The following LOXHD1 variants were observed in gnomAD, a reference collection of about 807,000 sequenced individuals.
LOXHD1 encodes lipoxygenase homology PLAT domains 1, also known as lipoxygenase homology domain-containing protein 1.
Under a neutral mutation model 248.2 loss-of-function variants are expected in LOXHD1, and 205 were observed. The ratio of observed to expected loss-of-function variants is 0.83; its 90% CI spans 0.74 to 0.93. The LOEUF is 0.93. Ranked by LOEUF, LOXHD1 falls within the 40% of genes least tolerant of loss-of-function variation. LOXHD1 has a pLI of 0.00. For synonymous variants in LOXHD1, 1,113 were observed against 1,162.8 expected, an observed-to-expected ratio of 0.96 and a Z score of 0.87; for missense variants, 2,930 against 2,971.6, an observed-to-expected ratio of 0.99 and a Z score of 0.33.
At chr18:46,518,878 C>G in intron 33 of LOXHD1, 6 of 985,684 alleles carry the variant, frequency 6.1e-6, no homozygotes, top group Non-Finnish European at 7.2e-6. Flanking sequence ...GTGATTCTTA[C>G]AGAGGGAGCA....
chr18:46,618,113 C>T (rs1053654778), intron 5 of LOXHD1, 79 bp downstream of exon 5: 3 of 1,077,560 alleles, frequency 2.8e-6, no homozygotes, highest in Admixed American at 2.2e-5. Context: ...AGCTGCCTTC[C>T]TCTGCCAGGA....
At chr18:46,545,850 C>T (rs1040742018) in intron 22 of LOXHD1, among the ~76,000 whole-genome samples, 12 of 151,456 alleles carry the variant, frequency 7.9e-5, no homozygotes, top group East Asian at 1.9e-4. Flanking sequence ...GGGATGGTCT[C>T]GATCTCCTGA....
intron 28 of LOXHD1, 104 bp from the exon 29 acceptor site, chr18:46,529,435 T>C (rs963589706): frequency 5.9e-6 from 8 of 1,362,894 alleles, no homozygotes; most frequent in African/African-American, 2.9e-5. Context: ...GCTTCTGGCC[T>C]AGGCCTCAAG....
At chr18:46,640,736 T>C (rs572105886) in intron 3 of LOXHD1, among the ~76,000 whole-genome samples, 69 of 152,300 alleles carry the variant, frequency 4.5e-4, no homozygotes, top group African/African-American at 1.7e-3. Context: ...TAGCCACATA[T>C]GGTCAGGGGC....
At chr18:46,638,666 ATAAT>A (rs1288470957) in intron 4 of LOXHD1, among the ~76,000 whole-genome samples, 3 of 152,186 alleles carry the variant, frequency 2.0e-5, no homozygotes, top group Non-Finnish European at 4.4e-5. Flanking sequence ...TAAAAATAAA[ATAAT>A]CAATGAAGTT....
At chr18:46,538,096 C>T in intron 26 of LOXHD1, 60 bp downstream of exon 26, 2 of 1,438,218 alleles carry the variant, frequency 1.4e-6, no homozygotes, top group South Asian at 1.3e-5. Context: ...GAAGGTAGGG[C>T]TTCTCCTCTC....
At chr18:46,511,747 C>T (rs558088075) in intron 34 of LOXHD1, among the ~76,000 whole-genome samples, 8 of 152,318 alleles carry the variant, frequency 5.3e-5, no homozygotes, top group African/African-American at 9.6e-5. Flanking sequence ...AAGCCCACCA[C>T]GCTGGGCAGC....
intron 19 of LOXHD1, 120 bp from the exon 20 acceptor site, chr18:46,559,722 A>G (rs1053448876): frequency 3.0e-5 from 35 of 1,153,344 alleles, no homozygotes; most frequent in Admixed American, 7.7e-5. Flanking sequence ...ATGCATCTAC[A>G]CTAACCTGGG....
chr18:46,578,039 A>G (rs781149670), intron 13 of LOXHD1, among the ~76,000 whole-genome samples, 172 bp from the exon 14 acceptor site: 3 of 152,002 alleles, frequency 2.0e-5, no homozygotes, highest in Non-Finnish European at 4.4e-5. Flanking sequence ...CCCACCCCCA[A>G]TTTCTTCCAC....
Position 46,566,309 on chromosome 18 carries a change from G to T in LOXHD1, c.2385C>A (p.Asp795Glu). ...ANRWLDKNQA[D>E]GRLEVELYPS... ...GATACAGCTCCACCTCCAGGCGCCC[G>T]TCAGCCTGGTTCTTGTCCAGCCAGC... The change falls in exon 17 of 41, where the codon GAC becomes GAA. Residue 795 changes from aspartate to glutamate, a missense_variant. Coordinates refer to ENST00000642948, the MANE Select transcript of LOXHD1 (RefSeq NM_001384474.1). 6.4e-7 allele frequency: 1 copy of T among 1,551,790 alleles called. No homozygotes were observed. Among genetic ancestry groups the T allele is most frequent in the Non-Finnish European group, 8.7e-7 (1 of 1,146,956 alleles).
At chr18:46,533,050 A>C (rs1598934733) in intron 28 of LOXHD1, 112 bp downstream of exon 28, 2 of 1,203,374 alleles carry the variant, frequency 1.7e-6, no homozygotes, top group East Asian at 5.1e-5. Flanking sequence ...TGGAGGTAAC[A>C]ACAGACCCTA....
Position 46,485,031 on chromosome 18 carries a change from C to A in LOXHD1, c.6170G>T (p.Arg2057Leu). ...EFLMENSSRQ[R>L]AFRKGTTDTF... ...CTCCCCTTCCTACTTCCTAAAGGCCCGCTGCCTAGAAGAATTTTCCATGAG... is the reference window on the plus strand; with the variant it reads ...CTCCCCTTCCTACTTCCTAAAGGCCAGCTGCCTAGAAGAATTTTCCATGAG... The change falls in exon 39 of 41, where the codon CGG becomes CTG. Residue 2057 changes from arginine to leucine, a missense_variant. By Grantham distance (102) the Arg-to-Leu change is moderately radical (BLOSUM62 -2). Transcript: ENST00000642948. 6.4e-7 allele frequency: 1 copy of A among 1,551,000 alleles called. No homozygotes were observed. The highest frequency in any genetic ancestry group is 8.7e-7 in the Non-Finnish European group (1 of 1,146,588).
At position 46,489,013 on chromosome 18, in the gene LOXHD1, G is replaced by A; in HGVS notation, c.6008C>T (p.Ala2003Val). The change falls in exon 38 of 41, where the codon GCC (alanine) becomes GTC (valine). Residue 2003 changes from alanine (A) to valine (V), a missense_variant. Coordinates refer to ENST00000642948, the MANE Select transcript of LOXHD1 (RefSeq NM_001384474.1). ...ATCACAGATCTTGTTGTTGGCACAG[G>A]CAAAGTCGCGGACCGTCTGCCCGTC... ...EGDGQTVRDF[A>V]CANNKICDEL... is the part of the protein sequence containing the mutation. The A allele has an allele frequency of 2.6e-6, 4 of 1,551,662 alleles. No homozygotes were observed. Among genetic ancestry groups the A allele is most frequent in the Non-Finnish European group, 3.5e-6 (4 of 1,146,988 alleles).
chr18:46,520,601 T>G (rs549996321), intron 33 of LOXHD1: 1 of 291,930 alleles, frequency 3.4e-6, no homozygotes, highest in South Asian at 3.3e-5. Context: ...GCTTTTTCAG[T>G]TAAGGAGGGT....
chr18:46,533,149 A>C lies in LOXHD1; in HGVS notation c.4375+13T>G. 2 of 1,551,532 alleles carry C rather than the reference A, an allele frequency of 1.3e-6. No homozygotes were observed. The highest frequency in any genetic ancestry group is 1.7e-6 in the Non-Finnish European group (2 of 1,146,908). The stretch of plus-strand genomic sequence containing the variant: ...CCTTCCCATGGTGATGAGGGTGGCC[A>C]CACCACACTTACTGTCCAGAGGCTC... On this transcript the variant is annotated intron_variant, in intron 28 of 40. Coordinates refer to ENST00000642948, the MANE Select transcript of LOXHD1 (RefSeq NM_001384474.1).
chr18:46,527,921 G>T (rs1160357342), intron 29 of LOXHD1, among the ~76,000 whole-genome samples: 1 of 152,182 alleles, frequency 6.6e-6, no homozygotes, highest in Non-Finnish European at 1.5e-5. Context: ...GGTTGGTGAA[G>T]CAGTGAATGG....
chr18:46,514,059 C>T (rs895397372), intron 34 of LOXHD1, among the ~76,000 whole-genome samples: 5 of 152,172 alleles, frequency 3.3e-5, no homozygotes, highest in Non-Finnish European at 5.9e-5. Context: ...CTTGTGCATC[C>T]CCTACGAGAC....
chr18:46,544,998 C>T (rs912420949), intron 23 of LOXHD1: 8 of 488,356 alleles, frequency 1.6e-5, no homozygotes, highest in South Asian at 9.6e-5. Context: ...TCCTGAACAA[C>T]TCTACAATGC....
intron 3 of LOXHD1, 93 bp from the exon 4 acceptor site, chr18:46,639,893 G>T: frequency 7.0e-7 from 1 of 1,424,024 alleles, no homozygotes; most frequent in Non-Finnish European, 9.6e-7. Flanking sequence ...TCCAAAGAGA[G>T]GTCCAATTAT....
Sources: gnomAD v4.1 joint callset for allele counts (sites outside exome capture counted in the v4.1 genomes callset) on GRCh38, gnomAD v4.1.1 for gene constraint, MANE v1.5 for transcripts, NCBI Gene and HGNC (gene_info 2026-07-23, HGNC 2026-07-21) for gene names.